Variants in ABCC8 observed in about 807,000 individuals in gnomAD.
The protein encoded by ABCC8 is ATP binding cassette subfamily C member 8.
Under a neutral mutation model 188.0 loss-of-function variants are expected in ABCC8, and 137 were observed. The observed-to-expected ratio is 0.73, with a 90% CI of 0.63 to 0.84. The LOEUF (loss-of-function observed/expected upper bound fraction) is 0.84. ABCC8 is among the 40% of genes least tolerant of loss of function. The probability of loss-of-function intolerance (pLI) is 0.00; values close to 1 mark genes in which losing one functional copy is unlikely to be tolerated. For missense variants in ABCC8, 1,750 were observed against 2,072.7 expected (o/e 0.84, Z 3.02); for synonymous variants, 797 against 846.5 (o/e 0.94, Z 1.01).
At position 17,407,431 on chromosome 11, in the gene ABCC8, G is replaced by A; in HGVS notation, c.2843C>T (p.Ala948Val). Residue 948 changes from alanine (A) to valine (V), a missense_variant, in exon 24 of 39, where the codon GCC becomes GTC. By Grantham distance (64) the Ala-to-Val change is moderately conservative (BLOSUM62 0). Transcript: ENST00000389817. ...LEKETVTERKATEPPQGLSRA... is the reference protein window; with the variant it reads ...LEKETVTERKVTEPPQGLSRA... ...AGATAGGCCCTGGGGTGGCTCTGTG[G>A]CTTTTCTCTCTGTGACAGTCTCCTA... 6.2e-7 allele frequency: 1 copy of A among 1,614,160 alleles called. No individual in the cohort carries two copies. The highest frequency in any genetic ancestry group is 8.5e-7 in the Non-Finnish European group (1 of 1,180,044).
intron 18 of ABCC8, among the ~76,000 whole-genome samples, chr11:17,414,858 C>T (rs1954990371): frequency 6.6e-6 from 1 of 152,130 alleles, no homozygotes; most frequent in Admixed American, 6.5e-5. Context: ...CTGCCCCAGC[C>T]CTGCAGTCTG....
chr11:17,412,836 G>T, intron 20 of ABCC8, 90 bp from the exon 21 acceptor site: 1 of 1,550,198 alleles, frequency 6.5e-7, no homozygotes, highest in Non-Finnish European at 8.7e-7. Context: ...CTTTGGGATG[G>T]AGGCCTGGCT....
chr11:17,413,570 T>G, intron 19 of ABCC8, 92 bp from the exon 20 acceptor site: 1 of 1,611,072 alleles, frequency 6.2e-7, no homozygotes, highest in Non-Finnish European at 8.5e-7. Flanking sequence ...TGGGTAGCTA[T>G]GCCCAGGGTG....
At position 17,460,553 on chromosome 11, in the gene ABCC8, C is replaced by T. The variant is rs1201126343; in HGVS notation, c.946G>A (p.Gly316Arg). 1.6e-5 allele frequency: 26 copies of T among 1,613,896 alleles called. No individual in the cohort carries two copies. Among genetic ancestry groups the T allele is most frequent in the South Asian group, 4.4e-5 (4 of 91,086 alleles). The change falls in exon 6 of 39, where the codon GGG (glycine) becomes AGG (arginine). Residue 316 changes from glycine to arginine, a missense_variant. Transcript: ENST00000389817. Reference sequence around the variant, plus strand: ...ACGATCCCAAAGATGCACAGTGGCCCGGCGAAGCCCAGCAGGTCGGCCAAG... The same window carrying T: ...ACGATCCCAAAGATGCACAGTGGCCTGGCGAAGCCCAGCAGGTCGGCCAAG... ...RILADLLGFAGPLCIFGIVDH... is the reference protein window; with the variant it reads ...RILADLLGFARPLCIFGIVDH...
intron 2 of ABCC8, among the ~76,000 whole-genome samples, chr11:17,472,837 C>T (rs2133720684): frequency 6.6e-6 from 1 of 152,288 alleles, no homozygotes; most frequent in East Asian, 1.9e-4. Flanking sequence ...CCGGGCTCTG[C>T]ACCCTGTCCA....
intron 16 of ABCC8, among the ~76,000 whole-genome samples, chr11:17,422,464 A>G (rs1021701218): frequency 6.6e-6 from 1 of 152,188 alleles, no homozygotes; most frequent in African/African-American, 2.4e-5. Flanking sequence ...TCATTTGCGA[A>G]ATGAGTGAAC....
chr11:17,465,764 C>G (rs1374653899), intron 3 of ABCC8, among the ~76,000 whole-genome samples: 1 of 152,168 alleles, frequency 6.6e-6, no homozygotes, highest in Non-Finnish European at 1.5e-5. Flanking sequence ...TGTGGTACCA[C>G]CTAAGTCCAG....
rs1288491691 is a variant in ABCC8, at chr11:17,410,614, G to T, written c.2596C>A (p.His866Asn). 6.2e-7 allele frequency: 1 copy of T among 1,614,108 alleles called. No homozygotes were observed. Among genetic ancestry groups the T allele is most frequent in the African/African-American group, 1.3e-5 (1 of 75,020 alleles). Reference protein sequence around the residue: ...FSALDIHLSDHLMQAGILELL... With the variant: ...FSALDIHLSDNLMQAGILELL... ...TCAAGGATGCCGGCCTGCATTAAGT[G>T]GTCACTCAGATGGATATCCAGAGCT... The change falls in exon 22 of 39, where the codon CAC becomes AAC. Residue 866 changes from histidine to asparagine, a missense_variant. Physicochemically the swap from His to Asn is moderately conservative, Grantham distance 68 (BLOSUM62 1). Coordinates refer to ENST00000389817, the MANE Select transcript of ABCC8 (RefSeq NM_000352.6).
chr11:17,457,469 C>T (rs563996442), intron 6 of ABCC8, among the ~76,000 whole-genome samples: 43 of 152,322 alleles, frequency 2.8e-4, no homozygotes, highest in African/African-American at 9.1e-4. Context: ...TTCCTTCTTC[C>T]TTTGGCTCAA....
chr11:17,458,735 T>C (rs966765844), intron 6 of ABCC8, among the ~76,000 whole-genome samples: 47 of 152,164 alleles, frequency 3.1e-4, no homozygotes, highest in Admixed American at 3.0e-3. Context: ...GCAAAAGTGG[T>C]CCTTGCATTC....
Position 17,427,175 on chromosome 11 carries a change from A to G in ABCC8, c.2117-21T>C. 6.2e-7 allele frequency: 1 copy of G among 1,606,620 alleles called. No homozygotes were observed. The highest frequency in any genetic ancestry group is 1.1e-5 in the South Asian group (1 of 90,400). On this transcript the variant is annotated intron_variant, in intron 15 of 38. Coordinates refer to ENST00000389817, the MANE Select transcript of ABCC8 (RefSeq NM_000352.6). This position sits in a 1 kb window ranked among gnomAD's most constrained non-coding sequence, Gnocchi z 5.0. ...CTGGCCTGCAGGGAGGGAGGGTGGC[A>G]GATGTGAGTGGGGCCGGGGGAGTCT... is the stretch of plus-strand genomic sequence containing the variant.
At chr11:17,464,986 G>A (rs900654166) in intron 3 of ABCC8, among the ~76,000 whole-genome samples, 6 of 152,228 alleles carry the variant, frequency 3.9e-5, no homozygotes, top group African/African-American at 1.4e-4. Context: ...GTCCTGCCTG[G>A]CTCAGGGTTA....
chr11:17,426,621 G>T (rs1185388876), intron 16 of ABCC8, among the ~76,000 whole-genome samples: 1 of 151,902 alleles, frequency 6.6e-6, no homozygotes, highest in African/African-American at 2.4e-5. Flanking sequence ...TCAGGACCAA[G>T]CTGGAAACCA....
intron 21 of ABCC8, among the ~76,000 whole-genome samples, chr11:17,412,374 T>A (rs1954853404): frequency 6.6e-6 from 1 of 152,200 alleles, no homozygotes; most frequent in Non-Finnish European, 1.5e-5. Flanking sequence ...TCGGGCTGCA[T>A]AAGTGTTGAG....
chr11:17,457,016 G>A (rs927343245), intron 6 of ABCC8, among the ~76,000 whole-genome samples: 1 of 152,096 alleles, frequency 6.6e-6, no homozygotes, highest in Non-Finnish European at 1.5e-5. Context: ...CACAGATAAG[G>A]GGCATCTAAT....
rs1053107363 is a variant in ABCC8 at position 17,414,602 on chromosome 11, C to T, written c.2300G>A (p.Gly767Asp). The change falls in exon 19 of 39, where the codon GGC (glycine) becomes GAC (aspartate). Residue 767 changes from glycine to aspartate, a missense_variant. Transcript: ENST00000389817. ...TTTCTGCGAAGCATAGGCCACGGGG[C>T]CTCTCTTCCTGGAAAAAGCAGGGCG... The part of the protein sequence containing the change: ...TATDLDIRKR[G>D]PVAYASQKPW... 6.8e-6 allele frequency: 11 copies of T among 1,614,230 alleles called. No individual in the cohort carries two copies. In the East Asian group the frequency reaches 2.5e-4, roughly 36 times the overall value.
intron 8 of ABCC8, among the ~76,000 whole-genome samples, chr11:17,444,976 A>G (rs2040653): frequency 0.35 from 52,799 of 152,140 alleles, 9,275 homozygotes; most frequent in Middle Eastern, 0.52. Context: ...TCAATACAAG[A>G]TGGCCTACCC....
chr11:17,396,538 C>T, intron 33 of ABCC8: 1 of 324,788 alleles, frequency 3.1e-6, no homozygotes, highest in Non-Finnish European at 5.9e-6. Context: ...GGGGCTCACC[C>T]TCAATACAAG....
At chr11:17,475,412 G>T (rs184717096) in intron 1 of ABCC8, among the ~76,000 whole-genome samples, 2 of 151,988 alleles carry the variant, frequency 1.3e-5, no homozygotes, top group African/African-American at 2.4e-5. Flanking sequence ...AAAGGGCGGG[G>T]GGGGTCTCAC....
Sources: allele counts gnomAD v4.1 joint callset (sites outside exome capture counted in the v4.1 genomes callset), GRCh38; gene constraint gnomAD v4.1.1; non-coding constraint Gnocchi (gnomAD v3.1); transcripts MANE v1.5; gene names NCBI Gene and HGNC (gene_info 2026-07-23, HGNC 2026-07-21).